MACROD1: variants seen among roughly 807,000 people sequenced by gnomAD.
MACROD1 encodes the protein mono-ADP ribosylhydrolase 1.
MACROD1 carries 31 observed loss-of-function variants against 41.4 expected under a neutral mutation model. The observed-to-expected ratio is 0.75, with a 90% confidence interval of 0.56 to 1.01. The LOEUF is 1.01. Among genes scored for constraint, MACROD1 ranks in the 50% least tolerant of loss-of-function variants. The pLI, the probability that MACROD1 is intolerant of heterozygous loss-of-function variation, is 0.00. For synonymous variants in MACROD1, 252 were observed against 203.4 expected, an observed-to-expected ratio of 1.24 and a Z score of -2.03; for missense variants, 473 against 460.0, an observed-to-expected ratio of 1.03 and a Z score of -0.26.
At chr11:64,014,427 T>C (rs1943053572) in intron 4 of MACROD1, among the ~76,000 whole-genome samples, 1 of 152,246 alleles carries the variant, frequency 6.6e-6, no homozygotes, top group Non-Finnish European at 1.5e-5. Flanking sequence ...CTGACCTTTA[T>C]GCCCCTTTTA....
At chr11:64,163,484 T>C (rs552613823) in intron 1 of MACROD1, among the ~76,000 whole-genome samples, 1 of 152,272 alleles carries the variant, frequency 6.6e-6, no homozygotes, top group South Asian at 2.1e-4. Flanking sequence ...TGCAGCTCCA[T>C]CGGGGTCTCC....
chr11:64,139,942 C>T (rs1455790642), intron 3 of MACROD1, among the ~76,000 whole-genome samples: 1 of 138,270 alleles, frequency 7.2e-6, no homozygotes, highest in East Asian at 2.2e-4. Flanking sequence ...GGTGACAGAG[C>T]GAGACTCAGT....
chr11:64,050,658 G>A (rs1002305872), intron 3 of MACROD1, among the ~76,000 whole-genome samples: 4 of 152,244 alleles, frequency 2.6e-5, no homozygotes, highest in Non-Finnish European at 4.4e-5. Context: ...CACTCTTGTC[G>A]CCCAGGCTGG....
chr11:64,065,585 C>A (rs184881625), intron 3 of MACROD1, among the ~76,000 whole-genome samples: 2 of 151,628 alleles, frequency 1.3e-5, no homozygotes, highest in Non-Finnish European at 1.5e-5. Flanking sequence ...GTCAGGAGAT[C>A]AAGACCATCC....
intron 3 of MACROD1, among the ~76,000 whole-genome samples, chr11:64,114,359 G>A (rs1944930715): frequency 6.6e-6 from 1 of 151,344 alleles, no homozygotes; most frequent in African/African-American, 2.4e-5. Context: ...ATGGATGGAT[G>A]GACAGGTGCA....
intron 3 of MACROD1, among the ~76,000 whole-genome samples, chr11:64,102,590 C>T (rs1239740111): frequency 3.3e-5 from 5 of 152,194 alleles, no homozygotes; most frequent in African/African-American, 9.7e-5. Flanking sequence ...TGGCCCTGCA[C>T]GGCCAGGAGC....
intron 4 of MACROD1, among the ~76,000 whole-genome samples, chr11:64,005,018 T>A (rs1218627233): frequency 1.4e-5 from 1 of 70,544 alleles, no homozygotes; most frequent in Non-Finnish European, 3.3e-5. Context: ...GAAACTAAGA[T>A]CCACTTTATT....
At chr11:64,139,878 C>A (rs188968211) in intron 3 of MACROD1, among the ~76,000 whole-genome samples, 12 of 152,004 alleles carry the variant, frequency 7.9e-5, no homozygotes, top group Non-Finnish European at 1.5e-4. Flanking sequence ...ATAGCATGAA[C>A]CTGGGAGGCG....
chr11:64,165,884 G>A lies in MACROD1; in HGVS notation c.111C>T (p.Thr37=). 2 of 1,400,280 alleles carry A rather than the reference G, an allele frequency of 1.4e-6. No individual in the cohort carries two copies. The highest frequency in any genetic ancestry group is 3.1e-5 in the East Asian group (1 of 32,784). The allele number at this position is 1,400,280 out of a possible 1,614,324, so 86.7% of individuals were successfully genotyped here. The change falls in exon 1 of 11, where the codon ACC becomes ACT. Residue 37 remains threonine, a synonymous_variant. Transcript: ENST00000255681. Reference sequence around the variant, plus strand: ...CCGGGGGACCGCACGTGCTGCTGCGGGTCCTCGTGGCACCCGCCAAGTGTC... The same window carrying A: ...CCGGGGGACCGCACGTGCTGCTGCGAGTCCTCGTGGCACCCGCCAAGTGTC... ...RPGHLAGATR[T]RSSTCGPPAF...
chr11:64,107,505 T>C (rs1218876191), intron 3 of MACROD1, among the ~76,000 whole-genome samples: 2 of 152,048 alleles, frequency 1.3e-5, no homozygotes, highest in South Asian at 4.1e-4. Flanking sequence ...AGCCGGCCTA[T>C]GTGGTTAGGT....
chr11:64,052,908 T>C (rs1482400795), intron 3 of MACROD1, among the ~76,000 whole-genome samples: 2 of 152,204 alleles, frequency 1.3e-5, no homozygotes, highest in African/African-American at 4.8e-5. Flanking sequence ...ACCCTCCAGA[T>C]AGGCACAGTA....
intron 4 of MACROD1, among the ~76,000 whole-genome samples, chr11:64,009,948 A>G (rs950697374): frequency 2.0e-5 from 3 of 152,014 alleles, no homozygotes; most frequent in Non-Finnish European, 2.9e-5. Context: ...TACCCACACC[A>G]GGGTGTTGGC....
chr11:64,139,700 T>TA (rs1424140652), intron 3 of MACROD1, among the ~76,000 whole-genome samples: 2 of 152,070 alleles, frequency 1.3e-5, no homozygotes, highest in African/African-American at 4.8e-5. Flanking sequence ...CTCATGCCTG[T>TA]AATCCCAGCA....
At chr11:64,138,672 C>T (rs1345731191) in intron 3 of MACROD1, 3 of 447,742 alleles carry the variant, frequency 6.7e-6, no homozygotes, top group African/African-American at 2.1e-5. Flanking sequence ...ATTACAATGT[C>T]CGAAGACAGG....
intron 1 of MACROD1, among the ~76,000 whole-genome samples, chr11:64,159,151 C>A (rs1397147628): frequency 1.3e-5 from 2 of 151,958 alleles, no homozygotes; most frequent in Non-Finnish European, 2.9e-5. Context: ...GAAACCCTGT[C>A]TCTACTAAAA....
chr11:64,123,722 T>G (rs1394925154), intron 3 of MACROD1, among the ~76,000 whole-genome samples: 2 of 152,130 alleles, frequency 1.3e-5, no homozygotes, highest in Non-Finnish European at 2.9e-5. Flanking sequence ...AGTAGGACTC[T>G]AGAGCCGTGG....
At chr11:64,160,122 G>C (rs551006838) in intron 1 of MACROD1, among the ~76,000 whole-genome samples, 37 of 152,306 alleles carry the variant, frequency 2.4e-4, no homozygotes, top group African/African-American at 8.7e-4. Context: ...CAAACGCCCG[G>C]GGAAGGGGAT....
At chr11:64,075,920 C>T (rs571010321) in intron 3 of MACROD1, among the ~76,000 whole-genome samples, 3 of 152,340 alleles carry the variant, frequency 2.0e-5, no homozygotes, top group African/African-American at 7.2e-5. Flanking sequence ...GTGATCCACC[C>T]GCCTCGGCTT....
At chr11:64,054,153 C>T (rs1943742519) in intron 3 of MACROD1, among the ~76,000 whole-genome samples, 2 of 152,168 alleles carry the variant, frequency 1.3e-5, no homozygotes, top group Non-Finnish European at 2.9e-5. Flanking sequence ...CCACGGCTAG[C>T]CAGGGTCAGG....
Sources: gnomAD v4.1 joint callset for allele counts (sites outside exome capture counted in the v4.1 genomes callset) on GRCh38, gnomAD v4.1.1 for gene constraint, MANE v1.5 for transcripts, NCBI Gene and HGNC (gene_info 2026-07-23, HGNC 2026-07-21) for gene names.